Variants in CAMK1D observed in about 807,000 individuals in gnomAD.
CAMK1D encodes the protein calcium/calmodulin-dependent protein kinase type 1D.
Under a neutral mutation model 47.7 loss-of-function variants are expected in CAMK1D, and 9 were observed. That is an observed-to-expected ratio of 0.19 (90% CI 0.11 to 0.33). The LOEUF is 0.33. Among genes scored for constraint, CAMK1D ranks in the 10% least tolerant of loss-of-function variants. The pLI is 1.00. For synonymous variants in CAMK1D, 184 were observed against 184.9 expected, an observed-to-expected ratio of 0.99 and a Z score of 0.04; for missense variants, 291 against 488.7, an observed-to-expected ratio of 0.60 and a Z score of 3.81.
intron 3 of CAMK1D, among the ~76,000 whole-genome samples, chr10:12,738,692 C>T (rs1238414964): frequency 6.6e-6 from 1 of 151,648 alleles, no homozygotes; most frequent in Non-Finnish European, 1.5e-5. Flanking sequence ...ATTAGCCGGG[C>T]GTGGTGGCTC....
At position 12,386,264 on chromosome 10, in the gene CAMK1D, C is replaced by A. The variant is rs551041442; in HGVS notation, c.92+36354C>A. Among the ~76,000 whole-genome samples the A allele has an allele frequency of 2.0e-5, 3 of 152,162 alleles. No homozygotes were observed. The East Asian group carries it at 5.8e-4, about 29-fold the overall frequency. Reference sequence around the variant, plus strand: ...GACTAGTCTGGGCAACATAGTGAGACCCTGTCTCTACAAGAAATACAAAAA... The same window carrying A: ...GACTAGTCTGGGCAACATAGTGAGAACCTGTCTCTACAAGAAATACAAAAA... On this transcript the variant is annotated intron_variant, in intron 1 of 10. Transcript: ENST00000619168.
intron 5 of CAMK1D, among the ~76,000 whole-genome samples, chr10:12,790,530 G>A (rs978751368): frequency 3.9e-5 from 6 of 152,130 alleles, no homozygotes; most frequent in African/African-American, 1.4e-4. Context: ...GCTTAGTACG[G>A]CACTGCCATA....
At chr10:12,816,193 A>G (rs368843805) in intron 7 of CAMK1D, 57 bp from the exon 8 acceptor site, 483 of 1,434,632 alleles carry the variant, frequency 3.4e-4, no homozygotes, top group Non-Finnish European at 4.4e-4. Flanking sequence ...GTGGGATCAT[A>G]TTGTCACATC....
intron 1 of CAMK1D, among the ~76,000 whole-genome samples, chr10:12,449,438 TA>T (rs960532554): frequency 6.8e-4 from 97 of 141,736 alleles, no homozygotes; most frequent in Non-Finnish European, 5.4e-4. Flanking sequence ...GCCAGCTGTT[TA>T]AAAAAAAAAA....
intron 1 of CAMK1D, among the ~76,000 whole-genome samples, chr10:12,517,015 C>A (rs1050955305): frequency 6.6e-6 from 1 of 152,206 alleles, no homozygotes; most frequent in African/African-American, 2.4e-5. Flanking sequence ...AGTTCATAGA[C>A]ATGATCTGTC....
intron 2 of CAMK1D, among the ~76,000 whole-genome samples, chr10:12,571,480 A>G (rs1247862526): frequency 6.6e-6 from 1 of 151,692 alleles, no homozygotes. Context: ...AAGAAAAAAA[A>G]GAAATAAAGA....
intron 3 of CAMK1D, among the ~76,000 whole-genome samples, chr10:12,717,683 C>T (rs530449372): frequency 5.0e-4 from 74 of 146,592 alleles, no homozygotes; most frequent in African/African-American, 1.9e-3. Flanking sequence ...GCCAGGAGTT[C>T]GAGACCAGCC....
At chr10:12,765,087 T>C (rs1836688093) in intron 4 of CAMK1D, among the ~76,000 whole-genome samples, 1 of 152,012 alleles carries the variant, frequency 6.6e-6, no homozygotes, top group South Asian at 2.1e-4. Flanking sequence ...AGAGAGAGAC[T>C]CCATCTCAAA....
intron 3 of CAMK1D, among the ~76,000 whole-genome samples, chr10:12,731,563 G>C (rs1834883778): frequency 6.6e-6 from 1 of 152,236 alleles, no homozygotes; most frequent in Middle Eastern, 3.2e-3. Context: ...GAGGAGGTAA[G>C]AGTTGGGTCT....
At chr10:12,408,230 C>A (rs188732861) in intron 1 of CAMK1D, among the ~76,000 whole-genome samples, 241 of 150,916 alleles carry the variant, frequency 1.6e-3, no homozygotes, top group Non-Finnish European at 2.4e-3. Context: ...GGCATGATCT[C>A]GGCTCACTGC....
chr10:12,466,842 C>T (rs568089321), intron 1 of CAMK1D, among the ~76,000 whole-genome samples: 42 of 152,114 alleles, frequency 2.8e-4, no homozygotes, highest in African/African-American at 9.2e-4. Context: ...GAGCTGAGAG[C>T]GACATCTGGT....
intron 8 of CAMK1D, among the ~76,000 whole-genome samples, chr10:12,822,469 G>A (rs1220131994): frequency 3.3e-5 from 5 of 152,246 alleles, no homozygotes; most frequent in African/African-American, 1.2e-4. Flanking sequence ...GATATAGCAT[G>A]GGACACAGAG....
chr10:12,537,781 C>T (rs1836024819), intron 1 of CAMK1D, among the ~76,000 whole-genome samples: 1 of 152,116 alleles, frequency 6.6e-6, no homozygotes, highest in Non-Finnish European at 1.5e-5. Context: ...GAATATTTTC[C>T]CCTTTCCGCT....
chr10:12,765,513 T>A (rs1406942795), intron 4 of CAMK1D, among the ~76,000 whole-genome samples: 1 of 152,190 alleles, frequency 6.6e-6, no homozygotes, highest in Non-Finnish European at 1.5e-5. Context: ...TAGACCCTGC[T>A]CTCTGGCTGT....
At chr10:12,761,972 G>A (rs552914096) in intron 4 of CAMK1D, among the ~76,000 whole-genome samples, 12 of 152,262 alleles carry the variant, frequency 7.9e-5, no homozygotes, top group Middle Eastern at 3.4e-3. Flanking sequence ...CCCTTTCCCC[G>A]TTGGCACAGA....
At chr10:12,388,984 G>A (rs954227554) in intron 1 of CAMK1D, among the ~76,000 whole-genome samples, 1 of 152,196 alleles carries the variant, frequency 6.6e-6, no homozygotes. Context: ...TGTCGTCTGT[G>A]TGATTTACAT....
chr10:12,486,942 A>ATAAAATATTTTATTTTAGAGTTAAT (rs1834236588), intron 1 of CAMK1D, among the ~76,000 whole-genome samples: 1 of 152,208 alleles, frequency 6.6e-6, no homozygotes. Flanking sequence ...TGTCTCTAAA[A>ATAAAATATTTTATTTTAGAGTTAAT]ATGTAAAAAT....
intron 3 of CAMK1D, among the ~76,000 whole-genome samples, chr10:12,708,915 AAGTCAGTGAGCCACCACGC>A (rs1261752518): frequency 6.6e-6 from 1 of 152,210 alleles, no homozygotes; most frequent in Non-Finnish European, 1.5e-5. Context: ...GGATCACTTG[AAGTCAGTGAGCCACCACGC>A]CCGACCCGGA....
chr10:12,365,004 T>A (rs1048600686), intron 1 of CAMK1D, among the ~76,000 whole-genome samples: 4 of 151,930 alleles, frequency 2.6e-5, no homozygotes, highest in Admixed American at 1.3e-4. Flanking sequence ...TCACCCAGGC[T>A]GGAGTTCAGT....
Sources: gnomAD v4.1 joint callset for allele counts (sites outside exome capture counted in the v4.1 genomes callset) on GRCh38, gnomAD v4.1.1 for gene constraint, MANE v1.5 for transcripts, NCBI Gene and HGNC (gene_info 2026-07-23, HGNC 2026-07-21) for gene names.